Variants in ASIC2 observed in about 807,000 individuals in gnomAD.
ASIC2 encodes the protein acid-sensing ion channel 2.
In ASIC2, 25 loss-of-function variants were observed where a neutral mutation model predicts 57.3. That is an observed-to-expected ratio of 0.44 (90% CI 0.32 to 0.61). The LOEUF is 0.61. Among genes scored for constraint, ASIC2 ranks in the 20% least tolerant of loss-of-function variants. The pLI is 0.06. For missense variants in ASIC2, 641 were observed against 738.1 expected (o/e 0.87, Z 1.52); for synonymous variants, 319 against 307.5 (o/e 1.04, Z -0.39).
intron 1 of ASIC2, among the ~76,000 whole-genome samples, chr17:33,209,088 A>G (rs1013033892): frequency 6.6e-6 from 1 of 152,184 alleles, no homozygotes; most frequent in Non-Finnish European, 1.5e-5. Context: ...GATCACTCTT[A>G]GAGGTAGAAG....
chr17:33,952,549 T>A (rs1320966025), intron 1 of ASIC2, among the ~76,000 whole-genome samples: 1 of 152,190 alleles, frequency 6.6e-6, no homozygotes, highest in Non-Finnish European at 1.5e-5. Context: ...AGCAAAATGA[T>A]GGAAGATGCC....
At chr17:33,244,329 T>C (rs1169515740) in intron 1 of ASIC2, among the ~76,000 whole-genome samples, 2 of 151,842 alleles carry the variant, frequency 1.3e-5, no homozygotes, top group Non-Finnish European at 2.9e-5. Flanking sequence ...GAGAAAACCA[T>C]GTAGACAACC....
intron 1 of ASIC2, among the ~76,000 whole-genome samples, chr17:33,771,282 A>G (rs1911100359): frequency 6.6e-6 from 1 of 152,136 alleles, no homozygotes; most frequent in Admixed American, 6.5e-5. Context: ...AGATCAAAAT[A>G]ATTCATCCCA....
At chr17:33,580,551 C>T (rs1429121225) in intron 1 of ASIC2, among the ~76,000 whole-genome samples, 1 of 152,110 alleles carries the variant, frequency 6.6e-6, no homozygotes, top group Non-Finnish European at 1.5e-5. Flanking sequence ...CCAGGCTGCA[C>T]TCATGAGTGA....
chr17:33,314,642 A>G (rs1350687462), intron 1 of ASIC2, among the ~76,000 whole-genome samples: 1 of 152,234 alleles, frequency 6.6e-6, no homozygotes, highest in African/African-American at 2.4e-5. Context: ...AGGCCTCATA[A>G]AAAGCAGAAG....
At position 34,123,238 on chromosome 17, in the gene ASIC2, C is replaced by T. The variant is rs561295880; in HGVS notation, c.555+32740G>A. 2.2e-3 allele frequency among the ~76,000 whole-genome samples: 328 copies of T among 152,282 alleles called. 2 individuals are homozygous for T. Among genetic ancestry groups the T allele is most frequent in the Non-Finnish European group, 3.5e-3 (236 of 68,024 alleles). On this transcript the variant is annotated intron_variant, in intron 1 of 9. Coordinates refer to the ASIC2 transcript ENST00000359872. ...CCCTGGAACTAGGGAGAGGATTCAT[C>T]TTCGCCTGGATTCTAGGCAGGGCAA...
chr17:33,295,303 C>T (rs1291884050), upstream of ASIC2, among the ~76,000 whole-genome samples: 2 of 152,184 alleles, frequency 1.3e-5, no homozygotes, highest in Non-Finnish European at 2.9e-5. Flanking sequence ...GGCCTTGACA[C>T]AGAAATCTAG....
At chr17:33,500,864 G>A (rs749510437) in intron 1 of ASIC2, among the ~76,000 whole-genome samples, 1 of 152,250 alleles carries the variant, frequency 6.6e-6, no homozygotes, top group Non-Finnish European at 1.5e-5. Context: ...TGCTGGAAAG[G>A]GCCTCACCAT....
chr17:33,580,754 G>C (rs772026562), intron 1 of ASIC2, among the ~76,000 whole-genome samples: 1 of 152,132 alleles, frequency 6.6e-6, no homozygotes, highest in South Asian at 2.1e-4. Context: ...ATAAGATAAG[G>C]TGGTAGTAAT....
intron 1 of ASIC2, among the ~76,000 whole-genome samples, chr17:33,337,760 A>G (rs1907572259): frequency 6.6e-6 from 1 of 151,112 alleles, no homozygotes; most frequent in African/African-American, 2.4e-5. Context: ...AAGAAAATGT[A>G]AGTGTTCCTT....
intron 1 of ASIC2, among the ~76,000 whole-genome samples, chr17:33,491,194 G>A (rs1256711275): frequency 3.9e-5 from 6 of 152,102 alleles, no homozygotes; most frequent in African/African-American, 1.2e-4. Flanking sequence ...AGGACATCAA[G>A]CATCCAGAAT....
rs2091789822 is a variant in ASIC2, at chr17:33,013,619, GCGTGGAGGAGTGTCATGTACAAGACAGA to G, written c.*318_*345del. 2 of 282,600 alleles carry G rather than the reference GCGTGGAGGAGTGTCATGTACAAGACAGA, an allele frequency of 7.1e-6. No individual in the cohort carries two copies. Among genetic ancestry groups the G allele is most frequent in the Admixed American group, 4.4e-5 (1 of 22,734 alleles). 17.5% of individuals were successfully genotyped at this position (282,600 alleles called of 1,614,324 possible). ...GGCAGCAGTGTGGACACTGGAAACC[GCGTGGAGGAGTGTCATGTACAAGACAGA>G]CGTGGAGGTGGCGCCACAAGAAGTC... On this transcript the variant is annotated 3_prime_UTR_variant, in exon 10 of 10. Transcript: ENST00000225823.
At chr17:33,886,351 G>A (rs1914829461) in intron 1 of ASIC2, among the ~76,000 whole-genome samples, 1 of 152,092 alleles carries the variant, frequency 6.6e-6, no homozygotes, top group Non-Finnish European at 1.5e-5. Context: ...CTTCCAGAGA[G>A]GGATTCCGAT....
intron 1 of ASIC2, among the ~76,000 whole-genome samples, chr17:33,929,008 A>G (rs1915877838): frequency 6.6e-6 from 1 of 151,996 alleles, no homozygotes; most frequent in African/African-American, 2.4e-5. Context: ...CATCTTTATC[A>G]TGACCCACCC....
chr17:34,118,920 A>ACGT (rs1295986052), intron 1 of ASIC2: 1 of 152,252 alleles, frequency 6.6e-6, no homozygotes, highest in Non-Finnish European at 1.5e-5. Context: ...CACTCTGCTG[A>ACGT]CAGACAGATG....
intron 1 of ASIC2, among the ~76,000 whole-genome samples, chr17:33,987,818 G>C (rs1905871479): frequency 6.6e-6 from 1 of 152,038 alleles, no homozygotes; most frequent in Non-Finnish European, 1.5e-5. Flanking sequence ...TAAATCATTA[G>C]GCTCAAGAAA....
chr17:33,899,608 A>G (rs1030969416), intron 1 of ASIC2, among the ~76,000 whole-genome samples: 1 of 152,132 alleles, frequency 6.6e-6, no homozygotes, highest in African/African-American at 2.4e-5. Flanking sequence ...GATTATGTGG[A>G]CTACCTCTGA....
intron 1 of ASIC2, among the ~76,000 whole-genome samples, chr17:33,443,707 C>T (rs987332119): frequency 3.3e-5 from 5 of 151,748 alleles, no homozygotes; most frequent in African/African-American, 9.7e-5. Flanking sequence ...TGAGCCACCG[C>T]GCCCGGCCGG....
intron 1 of ASIC2, among the ~76,000 whole-genome samples, chr17:33,233,166 C>A (rs549463030): frequency 1.2e-4 from 18 of 151,392 alleles, no homozygotes; most frequent in African/African-American, 4.4e-4. Context: ...ATACCCTCAG[C>A]GGTCTGGGTA....
Sources: gnomAD v4.1 joint callset for allele counts (sites outside exome capture counted in the v4.1 genomes callset) on GRCh38, gnomAD v4.1.1 for gene constraint, MANE v1.5 for transcripts, NCBI Gene and HGNC (gene_info 2026-07-23, HGNC 2026-07-21) for gene names.